The following SGK3 variants were observed in gnomAD, a reference collection of about 807,000 sequenced individuals.
SGK3 encodes the protein serum/glucocorticoid regulated kinase family member 3, also known as serine/threonine-protein kinase Sgk3.
A neutral mutation model predicts 68.5 loss-of-function variants in SGK3; 47 were observed. The observed-to-expected ratio is 0.69, with a 90% confidence interval of 0.54 to 0.87. The LOEUF (loss-of-function observed/expected upper bound fraction) is 0.87. SGK3 is among the 40% of genes least tolerant of loss of function. SGK3 has a pLI of 0.00. For synonymous variants in SGK3, 181 were observed against 189.1 expected (o/e 0.96, Z 0.35); for missense variants, 479 against 575.5 (o/e 0.83, Z 1.72).
chr8:66,742,693 A>G (rs1477842350), intron 1 of SGK3, among the ~76,000 whole-genome samples: 1 of 152,300 alleles, frequency 6.6e-6, no homozygotes, highest in Non-Finnish European at 1.5e-5. Context: ...TGTAATTTTT[A>G]TGCATATAAA....
chr8:66,757,927 G>GTATATA (rs371749099), intron 1 of SGK3, among the ~76,000 whole-genome samples: 13 of 134,250 alleles, frequency 9.7e-5, no homozygotes, highest in African/African-American at 3.4e-4. Flanking sequence ...AAAAAAAAGT[G>GTATATA]TATATATATA....
chr8:66,735,218 T>C (rs1165709291), intron 1 of SGK3, among the ~76,000 whole-genome samples: 4 of 152,184 alleles, frequency 2.6e-5, no homozygotes, highest in African/African-American at 2.4e-5. Flanking sequence ...TGGCCAATAG[T>C]GTAGACTGTT....
intron 1 of SGK3, among the ~76,000 whole-genome samples, chr8:66,770,103 G>A (rs532775979): frequency 2.0e-5 from 3 of 152,056 alleles, no homozygotes; most frequent in East Asian, 1.9e-4. Context: ...ACAGGCGTGC[G>A]CCACCACACC....
Position 66,829,212 on chromosome 8 carries a change from C to T in SGK3, c.467+509C>T, listed in dbSNP as rs1033726813. On this transcript the variant is annotated intron_variant, in intron 7 of 16. Transcript: ENST00000521198. The stretch of plus-strand genomic sequence containing the variant: ...TTTACCGAGTTTCTCCCCATATTCC[C>T]AGGCTAATTGATTAGTAATGTCTGC... Among the ~76,000 whole-genome samples the T allele has an allele frequency of 3.3e-5, 5 of 152,276 alleles. No individual in the cohort carries two copies. The East Asian group carries it at 9.6e-4, about 29-fold the overall frequency.
chr8:66,787,454 G>A (rs1807255571), intron 1 of SGK3, among the ~76,000 whole-genome samples: 1 of 152,122 alleles, frequency 6.6e-6, no homozygotes, highest in African/African-American at 2.4e-5. Flanking sequence ...CTTCCCTAAG[G>A]GCTGTCTAAT....
At chr8:66,838,660 A>T (rs73693615) in intron 10 of SGK3, among the ~76,000 whole-genome samples, 19,613 of 152,092 alleles carry the variant, frequency 0.13, 2,405 homozygotes, top group African/African-American at 0.32. Flanking sequence ...ATGGAAGAGG[A>T]AGGCTTGTCA....
chr8:66,731,598 G>A (rs1585641427), intron 1 of SGK3, among the ~76,000 whole-genome samples: 1 of 151,920 alleles, frequency 6.6e-6, no homozygotes, highest in Non-Finnish European at 1.5e-5. Context: ...GCAGTGGCTC[G>A]ATCTCAGCTC....
At chr8:66,845,228 G>A (rs542510383) in intron 14 of SGK3, among the ~76,000 whole-genome samples, 2 of 152,004 alleles carry the variant, frequency 1.3e-5, no homozygotes, top group African/African-American at 2.4e-5. Flanking sequence ...GCAAAACCTC[G>A]TCTCTACTAA....
chr8:66,764,657 A>G (rs755948115), intron 1 of SGK3, among the ~76,000 whole-genome samples: 6 of 151,942 alleles, frequency 3.9e-5, no homozygotes, highest in Non-Finnish European at 7.4e-5. Flanking sequence ...TAATTTTGTC[A>G]GTAGAGATGG....
At chr8:66,787,616 A>G (rs1807262962) in intron 1 of SGK3, among the ~76,000 whole-genome samples, 1 of 152,300 alleles carries the variant, frequency 6.6e-6, no homozygotes, top group Non-Finnish European at 1.5e-5. Flanking sequence ...TGCTTTGGCC[A>G]CTTTGTCATC....
chr8:66,749,003 T>G (rs573736445), intron 1 of SGK3, among the ~76,000 whole-genome samples: 10 of 152,226 alleles, frequency 6.6e-5, no homozygotes, highest in African/African-American at 2.2e-4. Flanking sequence ...CAAGCGATCC[T>G]CCCATCTCAG....
chr8:66,748,118 G>A (rs2130422797), intron 1 of SGK3, among the ~76,000 whole-genome samples: 1 of 152,322 alleles, frequency 6.6e-6, no homozygotes, highest in African/African-American at 2.4e-5. Flanking sequence ...ATTGAGGTAT[G>A]TGAAGCATCT....
At chr8:66,834,964 A>G (rs1253080991) in intron 8 of SGK3, among the ~76,000 whole-genome samples, 2 of 151,576 alleles carry the variant, frequency 1.3e-5, no homozygotes, top group Non-Finnish European at 2.9e-5. Flanking sequence ...AAAGAAACCA[A>G]CAAAGTGCAG....
chr8:66,774,444 CTGCGCCCTACTCGGTTATTGGCT>C (rs2130498405), intron 1 of SGK3, among the ~76,000 whole-genome samples: 2 of 152,260 alleles, frequency 1.3e-5, no homozygotes, highest in African/African-American at 4.8e-5. Context: ...ACTGTAGGAA[CTGCGCCCTACTCGGTTATTGGCT>C]TGATGCTTCC....
intron 12 of SGK3, 77 bp from the exon 13 acceptor site, chr8:66,840,941 CAAAAAA>C: frequency 1.3e-6 from 1 of 764,778 alleles, no homozygotes; most frequent in Non-Finnish European, 1.8e-6. Context: ...GACTCTGTTT[CAAAAAA>C]AAAAAAAAAA....
intron 14 of SGK3, among the ~76,000 whole-genome samples, chr8:66,846,605 C>T (rs1810030375): frequency 6.6e-6 from 1 of 152,278 alleles, no homozygotes; most frequent in African/African-American, 2.4e-5. Context: ...TGAGCCACCA[C>T]GCCTGGTCTT....
At chr8:66,844,958 AT>A (rs1809947171) in intron 14 of SGK3, among the ~76,000 whole-genome samples, 1 of 152,220 alleles carries the variant, frequency 6.6e-6, no homozygotes, top group South Asian at 2.1e-4. Flanking sequence ...TTTAAGCACT[AT>A]TTATTTGCCA....
chr8:66,860,546 A>G lies in SGK3; in HGVS notation c.*965A>G, dbSNP rs1382282374. 3 of 152,250 alleles carry G rather than the reference A, an allele frequency of 2.0e-5. No homozygotes were observed. The highest frequency in any genetic ancestry group is 4.8e-5 in the African/African-American group (2 of 41,468). The allele number at this position is 152,250 out of a possible 1,614,324, so 9.4% of individuals were successfully genotyped here. On this transcript the variant is annotated 3_prime_UTR_variant, in exon 17 of 17. Coordinates refer to ENST00000521198, the MANE Select transcript of SGK3 (RefSeq NM_001033578.3). ...GATTATTTTTCCTCTGAAGGAAAAG[A>G]AAAGGCTTAATGGTTAGGATTTTTA...
chr8:66,771,166 G>A (rs1806498348), intron 1 of SGK3, among the ~76,000 whole-genome samples: 1 of 151,510 alleles, frequency 6.6e-6, no homozygotes, highest in South Asian at 2.1e-4. Flanking sequence ...ATTTTGAGGA[G>A]AGGTAGAGAA....
Sources: allele counts gnomAD v4.1 joint callset (sites outside exome capture counted in the v4.1 genomes callset), GRCh38; gene constraint gnomAD v4.1.1; transcripts MANE v1.5; gene names NCBI Gene and HGNC (gene_info 2026-07-23, HGNC 2026-07-21).